KCTD20: variants seen among roughly 807,000 people sequenced by gnomAD.
KCTD20 encodes the protein BTB/POZ domain-containing protein KCTD20.
KCTD20 carries 30 observed loss-of-function variants against 39.6 expected under a neutral mutation model. That is an observed-to-expected ratio of 0.76 (90% CI 0.57 to 1.03). KCTD20 has a LOEUF of 1.03. Among genes scored for constraint, KCTD20 ranks in the 50% least tolerant of loss-of-function variants. KCTD20 has a pLI of 0.00. For missense variants in KCTD20, 422 were observed against 522.0 expected (o/e 0.81, Z 1.87); for synonymous variants, 162 against 180.6 (o/e 0.90, Z 0.83).
At chr6:36,483,062 T>C in intron 6 of KCTD20, among the ~76,000 whole-genome samples, 1 of 147,218 alleles carries the variant, frequency 6.8e-6, no homozygotes, top group Non-Finnish European at 1.5e-5. Context: ...GACGTTGCAG[T>C]GAGCCGAGAT....
chr6:36,455,399 C>T (rs1012142068), intron 1 of KCTD20, among the ~76,000 whole-genome samples: 1 of 152,184 alleles, frequency 6.6e-6, no homozygotes, highest in African/African-American at 2.4e-5. Context: ...CAGAGCAAGA[C>T]TCCGTCTAAA....
At chr6:36,452,872 T>C (rs1354893692) in intron 1 of KCTD20, among the ~76,000 whole-genome samples, 3 of 151,832 alleles carry the variant, frequency 2.0e-5, no homozygotes, top group Admixed American at 6.6e-5. Flanking sequence ...TGAGAGAGAA[T>C]TCACATAACA....
chr6:36,469,515 A>G lies in KCTD20; in HGVS notation c.-46-537A>G, dbSNP rs1775851209. On this transcript the variant is annotated intron_variant, in intron 1 of 7. Transcript: ENST00000373731. The surrounding 1 kb of genome is among the most constrained non-coding windows in gnomAD (Gnocchi z 4.6). ...TTGAGCATAAGGTATACAAAGTGAA[A>G]GAGAGAAAAGGGGAGATAAAAAGGA... Among the ~76,000 whole-genome samples the G allele has an allele frequency of 3.3e-5, 3 of 90,588 alleles. No homozygotes were observed. Among genetic ancestry groups the G allele is most frequent in the Admixed American group, 3.3e-4 (3 of 9,154 alleles). The allele number at this position is 90,588 out of a possible 152,430, so 59.4% of individuals were successfully genotyped here. A position where few individuals can be genotyped will look rare whatever the true frequency, so the allele number is the denominator to read the frequency against.
At chr6:36,485,438 G>T (rs376213920) in intron 7 of KCTD20, among the ~76,000 whole-genome samples, 1 of 151,180 alleles carries the variant, frequency 6.6e-6, no homozygotes, top group Non-Finnish European at 1.5e-5. Context: ...TCAAGAGACT[G>T]ATTCCTGGAG....
intron 1 of KCTD20, among the ~76,000 whole-genome samples, chr6:36,460,584 C>A (rs1336207454): frequency 6.6e-6 from 1 of 152,132 alleles, no homozygotes; most frequent in Non-Finnish European, 1.5e-5. Context: ...GGATTACAGG[C>A]GTGAGCCACC....
chr6:36,478,929 T>G (rs1390260335), intron 3 of KCTD20, among the ~76,000 whole-genome samples, 192 bp from the exon 4 acceptor site: 1 of 152,172 alleles, frequency 6.6e-6, no homozygotes, highest in Non-Finnish European at 1.5e-5. Flanking sequence ...AGCAATTGCC[T>G]TTTTTTCCTG....
Position 36,466,385 on chromosome 6 carries a change from T to TC in KCTD20, c.-46-3667_-46-3666insC, listed in dbSNP as rs11415711. On this transcript the variant is annotated intron_variant, in intron 1 of 7. Transcript: ENST00000373731. ...GCTGTGTTTTGCTGCTTTTTTTCTC[T>TC]TTTTTTTTTTTTTTGAAACAGGGTC... Among the ~76,000 whole-genome samples the TC allele has an allele frequency of 9.4e-5, 6 of 64,036 alleles. No homozygotes were observed. The East Asian group carries it at 1.7e-3, about 18-fold the overall frequency. The allele number at this position is 64,036 out of a possible 152,430, so 42.0% of individuals were successfully genotyped here.
At position 36,480,550 on chromosome 6, in the gene KCTD20, G is replaced by A. The variant is rs1454035867; in HGVS notation, c.658+839G>A. On this transcript the variant is annotated intron_variant, in intron 5 of 7. Transcript: ENST00000373731. ...TGGGACTACAGGTACATGCCACCACGCCTGGCTTATTATTATTGTTTTGTT... is the reference window on the plus strand; with the variant it reads ...TGGGACTACAGGTACATGCCACCACACCTGGCTTATTATTATTGTTTTGTT... Among the ~76,000 whole-genome samples, 5 of 150,252 alleles carry A rather than the reference G, an allele frequency of 3.3e-5. 1 individual carries two copies. Among genetic ancestry groups the A allele is most frequent in the Middle Eastern group, 6.9e-3 (2 of 288 alleles).
chr6:36,466,306 G>T (rs192171456), intron 1 of KCTD20, among the ~76,000 whole-genome samples: 21 of 151,300 alleles, frequency 1.4e-4, no homozygotes, highest in Non-Finnish European at 2.5e-4. Context: ...CAGGTGATCC[G>T]CCCACCTCAG....
At position 36,469,439 on chromosome 6, in the gene KCTD20, A is replaced by G. The variant is rs1287851238; in HGVS notation, c.-46-613A>G. Among the ~76,000 whole-genome samples the G allele has an allele frequency of 1.3e-5, 2 of 152,140 alleles. No individual in the cohort carries two copies. The highest frequency in any genetic ancestry group is 1.3e-4 in the Admixed American group (2 of 15,272). ...TCTGCACTGCTTTCGAGAGAGATGA[A>G]TGACATGATTAGCTTTATAGCCAGT... On this transcript the variant is annotated intron_variant, in intron 1 of 7. Transcript: ENST00000373731. This position sits in a 1 kb window ranked among gnomAD's most constrained non-coding sequence, Gnocchi z 4.6.
In KCTD20 at chr6:36,481,687, G is replaced by A. The variant is rs1454071719; in HGVS notation, c.784G>A (p.Val262Met). Residue 262 changes from valine (V) to methionine (M), a missense_variant, in exon 6 of 8, where the codon GTG (valine) becomes ATG (methionine). Transcript: ENST00000373731. ...KKGERECHIV[V>M]LTDEDSVDWD... ...AGGAGAACGAGAGTGCCACATTGTT[G>A]TGCTGACGGATGAGGATTCTGTGGA... 5.6e-6 allele frequency: 9 copies of A among 1,614,094 alleles called. No individual in the cohort carries two copies. The highest frequency in any genetic ancestry group is 3.3e-4 in the Middle Eastern group (2 of 6,084).
chr6:36,478,235 T>G (rs976243283), intron 3 of KCTD20, among the ~76,000 whole-genome samples: 2 of 152,154 alleles, frequency 1.3e-5, no homozygotes, highest in African/African-American at 4.8e-5. Context: ...AATCTTAGGC[T>G]GGTTGAAGAT....
At chr6:36,485,888 A>G (rs1163817471) in intron 7 of KCTD20, among the ~76,000 whole-genome samples, 5 of 151,814 alleles carry the variant, frequency 3.3e-5, no homozygotes, top group African/African-American at 9.7e-5. Context: ...GTCTGACTTA[A>G]GTTGAATTTA....
rs1561961115 is a variant in KCTD20 at position 36,484,826 on chromosome 6, T to TTA, written c.967+2_967+3insTA. 1 of 1,294,814 alleles carries TTA rather than the reference T, an allele frequency of 7.7e-7. No homozygotes were observed. Among genetic ancestry groups the TTA allele is most frequent in the Non-Finnish European group, 1.1e-6 (1 of 922,500 alleles). 80.2% of individuals were successfully genotyped at this position (1,294,814 alleles called of 1,614,324 possible). ...AAAACATTCGCATTGGAATTGAAGG[T>TTA]AAAAAAAAAAAAAAAATCCCAGTCA... On this transcript the variant is annotated splice_region_variant and intron_variant, in intron 7 of 7. Coordinates refer to ENST00000373731, the MANE Select transcript of KCTD20 (RefSeq NM_173562.5).
At chr6:36,479,779 ATTTTTTTT>A (rs58609674) in intron 5 of KCTD20, 68 bp downstream of exon 5, 628 of 267,868 alleles carry the variant, frequency 2.3e-3, no homozygotes, top group East Asian at 7.6e-3. Flanking sequence ...GAAGTCACCG[ATTTTTTTT>A]TTTTTTTTTT....
intron 1 of KCTD20, among the ~76,000 whole-genome samples, chr6:36,449,475 T>TG (rs1353810109): frequency 6.6e-6 from 1 of 152,108 alleles, no homozygotes; most frequent in African/African-American, 2.4e-5. Context: ...CACAGAGTGC[T>TG]GATTGGTGTG....
In KCTD20 at chr6:36,490,976, TG is replaced by T; in HGVS notation, c.*3804del. On this transcript the variant is annotated 3_prime_UTR_variant, in exon 8 of 8. Transcript: ENST00000373731. Reference sequence around the variant, plus strand: ...GATGGAGCCACATTTGTGTTCTGGGTGGGATCACTAGTGCAGGAGAACATTA... The same window carrying T: ...GATGGAGCCACATTTGTGTTCTGGGTGGATCACTAGTGCAGGAGAACATTA... 1 of 152,216 alleles carries T rather than the reference TG, an allele frequency of 6.6e-6. No homozygotes were observed. The highest frequency in any genetic ancestry group is 1.9e-4 in the East Asian group (1 of 5,202). The allele number at this position is 152,216 out of a possible 1,614,324, so 9.4% of individuals were successfully genotyped here. A position where few individuals can be genotyped will look rare whatever the true frequency, so the allele number is the denominator to read the frequency against.
At chr6:36,475,490 C>T (rs1776037022) in intron 3 of KCTD20, among the ~76,000 whole-genome samples, 1 of 151,550 alleles carries the variant, frequency 6.6e-6, no homozygotes, top group Admixed American at 6.6e-5. Flanking sequence ...TGCCCTCATA[C>T]ATTTGTGAAA....
intron 2 of KCTD20, among the ~76,000 whole-genome samples, chr6:36,474,206 C>T (rs77629325): frequency 1.3e-5 from 2 of 149,752 alleles, no homozygotes; most frequent in Non-Finnish European, 3.0e-5. Flanking sequence ...CTATATCTCC[C>T]GATGCTATCC....
Sources: gnomAD v4.1 joint callset for allele counts (sites outside exome capture counted in the v4.1 genomes callset) on GRCh38, gnomAD v4.1.1 for gene constraint, Gnocchi (gnomAD v3.1) non-coding constraint, MANE v1.5 for transcripts, NCBI Gene and HGNC (gene_info 2026-07-23, HGNC 2026-07-21) for gene names.